MS4A7: variants seen among roughly 807,000 people sequenced by gnomAD.
MS4A7 encodes the protein membrane-spanning 4-domains subfamily A member 7.
A neutral mutation model predicts 23.5 loss-of-function variants in MS4A7; 21 were observed. The ratio of observed to expected loss-of-function variants is 0.89; its 90% CI spans 0.63 to 1.29. MS4A7 has a LOEUF of 1.29. Among genes scored for constraint, MS4A7 ranks in the 50% most tolerant of loss-of-function variants. The pLI is 0.00. For missense variants in MS4A7, 263 were observed against 274.2 expected, an observed-to-expected ratio of 0.96 and a Z score of 0.29; for synonymous variants, 111 against 107.4, an observed-to-expected ratio of 1.03 and a Z score of -0.21.
At position 60,389,392 on chromosome 11, in the gene MS4A7, C is replaced by T; in HGVS notation, c.342C>T (p.Asp114=). ...CCAATGCAGAGTTTCTCTTCCAGGA[C>T]CTGAGCAGCTTGACCTCAAATGCAG... ...ISGKQSTKPF[D]LSSLTSNAVS... is the part of the protein sequence containing the mutation. Residue 114 remains aspartate (D), a splice_region_variant and synonymous_variant, in exon 5 of 7, where the codon GAC becomes GAT. Coordinates refer to ENST00000300184, the MANE Select transcript of MS4A7 (RefSeq NM_021201.5). 6.2e-7 allele frequency: 1 copy of T among 1,608,680 alleles called. No homozygotes were observed. The highest frequency in any genetic ancestry group is 1.1e-5 in the South Asian group (1 of 89,962).
intron 5 of MS4A7, chr11:60,389,820 T>C: frequency 1.9e-6 from 1 of 538,472 alleles, no homozygotes; most frequent in Non-Finnish European, 3.4e-6. Flanking sequence ...CAGTAGGGAG[T>C]CTATCCCTCC....
chr11:60,381,412 A>G (rs2085426844), intron 1 of MS4A7, among the ~76,000 whole-genome samples: 1 of 152,250 alleles, frequency 6.6e-6, no homozygotes, highest in African/African-American at 2.4e-5. Flanking sequence ...GAGAAACTAG[A>G]CTAAGGCACA....
intron 3 of MS4A7, among the ~76,000 whole-genome samples, chr11:60,385,745 T>C (rs368859257): frequency 6.6e-6 from 1 of 152,218 alleles, no homozygotes; most frequent in Non-Finnish European, 1.5e-5. Flanking sequence ...AAACTCTCTT[T>C]GCTGCCTTCC....
At chr11:60,387,153 T>G (rs2085500705) in intron 4 of MS4A7, among the ~76,000 whole-genome samples, 1 of 152,216 alleles carries the variant, frequency 6.6e-6, no homozygotes, top group African/African-American at 2.4e-5. Flanking sequence ...CTATAAAACC[T>G]GCCTCTTGGG....
intron 4 of MS4A7, 83 bp from the exon 5 acceptor site, chr11:60,389,307 C>CTTAGGG: frequency 8.9e-7 from 1 of 1,128,658 alleles, no homozygotes; most frequent in South Asian, 1.6e-5. Flanking sequence ...CAAGGAAGCA[C>CTTAGGG]CATTGCAGTA....
intron 4 of MS4A7, among the ~76,000 whole-genome samples, chr11:60,388,226 T>C (rs2085512194): frequency 6.6e-6 from 1 of 152,204 alleles, no homozygotes; most frequent in Non-Finnish European, 1.5e-5. Flanking sequence ...AGTCCAAGCA[T>C]AGATTTCCCT....
At chr11:60,379,751 T>C (rs2085409842) in intron 1 of MS4A7, among the ~76,000 whole-genome samples, 1 of 152,176 alleles carries the variant, frequency 6.6e-6, no homozygotes, top group African/African-American at 2.4e-5. Flanking sequence ...GCCACGCTGG[T>C]CTTGAATTCC....
rs2085448146 is a variant in MS4A7 at position 60,383,157 on chromosome 11, C to CAGCTGTGAG, written c.17_18insGCTGTGAGA (p.Gln6_Thr7insLeuTer). 6.2e-7 allele frequency: 1 copy of CAGCTGTGAG among 1,613,752 alleles called. No homozygotes were observed. The highest frequency in any genetic ancestry group is 1.7e-5 in the Admixed American group (1 of 59,982). On this transcript the variant is annotated stop_gained and inframe_insertion, in exon 2 of 7. Transcript: ENST00000300184. LOFTEE classifies it high-confidence loss of function. ...CATCAGCATCATGCTATTACAATCCCAAACCATGGGGGTTTCTCACAGCTT... is the reference window on the plus strand; with the variant it reads ...CATCAGCATCATGCTATTACAATCCCAGCTGTGAGAAACCATGGGGGTTTCTCACAGCTT...
chr11:60,387,231 G>A (rs191378948), intron 4 of MS4A7, among the ~76,000 whole-genome samples: 19 of 152,222 alleles, frequency 1.2e-4, no homozygotes, highest in East Asian at 3.9e-4. Flanking sequence ...GCCCTTCAGC[G>A]TCAGGGTGAC....
chr11:60,386,650 G>T, intron 3 of MS4A7, 67 bp from the exon 4 acceptor site: 1 of 1,292,186 alleles, frequency 7.7e-7, no homozygotes, highest in South Asian at 1.3e-5. Context: ...TTGAGTGATT[G>T]ACAGTGACAT....
At chr11:60,386,908 C>G in intron 4 of MS4A7, 135 bp downstream of exon 4, 1 of 712,198 alleles carries the variant, frequency 1.4e-6, no homozygotes, top group Non-Finnish European at 2.2e-6. Flanking sequence ...CCAGGTTTTC[C>G]TGGCTGTCCC....
intron 3 of MS4A7, 104 bp downstream of exon 3, chr11:60,385,326 G>T: frequency 1.5e-6 from 2 of 1,342,702 alleles, no homozygotes; most frequent in South Asian, 1.3e-5. Context: ...GGCAAAAGGC[G>T]GCAAGGCCTC....
At chr11:60,390,487 G>A (rs1051898411) in intron 5 of MS4A7, among the ~76,000 whole-genome samples, 1 of 152,132 alleles carries the variant, frequency 6.6e-6, no homozygotes, top group South Asian at 2.1e-4. Flanking sequence ...CAGAAAATGT[G>A]TGCAAGCTTT....
At position 60,395,449 on chromosome 11, in the gene MS4A7, C is replaced by G. The variant is rs568919032; in HGVS notation, c.*1588C>G. ...TGGTCGCTACAAACCAGGAAATACT[C>G]AAGTTATTATGTGTATACATTGGTT... On this transcript the variant is annotated 3_prime_UTR_variant, in exon 7 of 7. Coordinates refer to ENST00000300184, the MANE Select transcript of MS4A7 (RefSeq NM_021201.5). The G allele has an allele frequency of 6.6e-6, 1 of 152,320 alleles. No homozygotes were observed. Among genetic ancestry groups the G allele is most frequent in the South Asian group, 2.1e-4 (1 of 4,820 alleles). The allele number at this position is 152,320 out of a possible 1,614,324, so 9.4% of individuals were successfully genotyped here. A position where few individuals can be genotyped will look rare whatever the true frequency, so the allele number is the denominator to read the frequency against.
chr11:60,386,635 T>G, intron 3 of MS4A7, 82 bp from the exon 4 acceptor site: 1 of 1,183,982 alleles, frequency 8.4e-7, no homozygotes, highest in Non-Finnish European at 1.2e-6. Flanking sequence ...AACATCACTT[T>G]TTGATTGAGT....
In MS4A7 at chr11:60,385,113, T is replaced by G; in HGVS notation, c.173T>G (p.Leu58Trp). ...LGTVQILCCL[L>W]ISSLGAILVF... ...ACTGTCCAGATCCTGTGTTGCCTGT[T>G]GATTTCAAGTCTGGGGGCCATCTTG... Residue 58 changes from leucine to tryptophan, a missense_variant, in exon 3 of 7, where the codon TTG becomes TGG. Physicochemically the swap from Leu to Trp is moderately conservative, Grantham distance 61. Transcript: ENST00000300184. 2 of 1,614,056 alleles carry G rather than the reference T, an allele frequency of 1.2e-6. No individual in the cohort carries two copies. The highest frequency in any genetic ancestry group is 2.2e-5 in the South Asian group (2 of 91,084).
At position 60,389,057 on chromosome 11, in the gene MS4A7, G is replaced by A. The variant is rs2085520525; in HGVS notation, c.340-333G>A. 3 of 216,512 alleles carry A rather than the reference G, an allele frequency of 1.4e-5. No individual in the cohort carries two copies. In the South Asian group the frequency reaches 3.1e-4, roughly 23 times the overall value. The allele number at this position is 216,512 out of a possible 1,614,324, so 13.4% of individuals were successfully genotyped here. A position where few individuals can be genotyped will look rare whatever the true frequency, so the allele number is the denominator to read the frequency against. ...CTGAAGGCAACAGAATGATTCTAAG[G>A]CTATTGAGGAAGTCATGGGAGATGT... is the stretch of plus-strand genomic sequence containing the variant. On this transcript the variant is annotated intron_variant, in intron 4 of 6. Transcript: ENST00000300184.
In MS4A7 at chr11:60,395,518, A is replaced by C. The variant is rs2085607051; in HGVS notation, c.*1657A>C. 6.6e-6 allele frequency: 1 copy of C among 152,166 alleles called. No individual in the cohort carries two copies. Among genetic ancestry groups the C allele is most frequent in the African/African-American group, 2.4e-5 (1 of 41,444 alleles). 9.4% of individuals were successfully genotyped at this position (152,166 alleles called of 1,614,324 possible). A position where few individuals can be genotyped will look rare whatever the true frequency, so the allele number is the denominator to read the frequency against. On this transcript the variant is annotated 3_prime_UTR_variant, in exon 7 of 7. Coordinates refer to ENST00000300184, the MANE Select transcript of MS4A7 (RefSeq NM_021201.5). ...TTACCTTCATGATCTCATAGTTAAA[A>C]TTGTAATAAATTTAGGAATATAAAG...
At position 60,391,354 on chromosome 11, in the gene MS4A7, C is replaced by G. The variant is rs1334221766; in HGVS notation, c.547-1331C>G. ...GAAACTTCTAAGGTTCTAGCAGAAT[C>G]AAATCTAAAACTACTATCTAAGGAG... On this transcript the variant is annotated intron_variant, in intron 5 of 6. Transcript: ENST00000300184. Among the ~76,000 whole-genome samples the G allele has an allele frequency of 3.3e-5, 5 of 152,220 alleles. No individual in the cohort carries two copies. In the South Asian group the frequency reaches 1.0e-3, roughly 32 times the overall value.
Sources: gnomAD v4.1 joint callset for allele counts (sites outside exome capture counted in the v4.1 genomes callset) on GRCh38, gnomAD v4.1.1 for gene constraint, MANE v1.5 for transcripts, NCBI Gene and HGNC (gene_info 2026-07-23, HGNC 2026-07-21) for gene names.